TECTA: variants seen among roughly 807,000 people sequenced by gnomAD.
TECTA encodes the protein tectorin alpha.
Under a neutral mutation model 216.8 loss-of-function variants are expected in TECTA, and 128 were observed. The ratio of observed to expected loss-of-function variants is 0.59; its 90% confidence interval spans 0.51 to 0.68. The LOEUF (loss-of-function observed/expected upper bound fraction) is 0.68. TECTA is among the 30% of genes least tolerant of loss of function. TECTA has a pLI of 0.00. For missense variants in TECTA, 2,551 were observed against 2,786.2 expected (o/e 0.92, Z 1.90); for synonymous variants, 1,089 against 1,117.1 (o/e 0.97, Z 0.50).
intron 10 of TECTA, among the ~76,000 whole-genome samples, chr11:121,132,507 G>C (rs1255686364): frequency 6.6e-6 from 1 of 152,152 alleles, no homozygotes; most frequent in Non-Finnish European, 1.5e-5. Context: ...TGGGTGTCAG[G>C]TGTGCCCGTT....
Position 121,190,867 on chromosome 11 carries a change from A to G in TECTA, c.*61A>G. 7.8e-7 allele frequency: 1 copy of G among 1,288,554 alleles called. No homozygotes were observed. The highest frequency in any genetic ancestry group is 1.5e-5 in the African/African-American group (1 of 68,732). The allele number at this position is 1,288,554 out of a possible 1,614,324, so 79.8% of individuals were successfully genotyped here. A position where few individuals can be genotyped will look rare whatever the true frequency, so the allele number is the denominator to read the frequency against. ...ACTTACTTCAACACCCTGTAGGATA[A>G]AAAGTGTGTGCCCTTAAGTCAAAAC... On this transcript the variant is annotated 3_prime_UTR_variant, in exon 24 of 24. Transcript: ENST00000392793.
In TECTA at chr11:121,185,379, T is replaced by C. The variant is rs2134213055; in HGVS notation, c.6000-2453T>C. On this transcript the variant is annotated intron_variant, in intron 20 of 23. Coordinates refer to ENST00000392793, the MANE Select transcript of TECTA (RefSeq NM_005422.4). ...TTAATGAATGAGTAGGGAAAGCAGA[T>C]GTTCAATGCTTAATGAATGAGTAGG... is the stretch of plus-strand genomic sequence containing the variant. 2.9e-5 allele frequency among the ~76,000 whole-genome samples: 4 copies of C among 138,860 alleles called. No homozygotes were observed. In the South Asian group the frequency reaches 7.0e-4, roughly 24 times the overall value. The allele number at this position is 138,860 out of a possible 152,430, so 91.1% of individuals were successfully genotyped here.
At chr11:121,136,444 A>G (rs2135094153) in intron 10 of TECTA, among the ~76,000 whole-genome samples, 1 of 152,276 alleles carries the variant, frequency 6.6e-6, no homozygotes, top group Non-Finnish European at 1.5e-5. Flanking sequence ...GGACGAGGCC[A>G]GAGGGCACCA....
At chr11:121,112,520 A>G (rs1420415325) in intron 4 of TECTA, among the ~76,000 whole-genome samples, 1 of 152,250 alleles carries the variant, frequency 6.6e-6, no homozygotes, top group Non-Finnish European at 1.5e-5. Flanking sequence ...ACTTCTCCCC[A>G]GAAAGTGCTT....
At chr11:121,150,276 A>G (rs1946877010) in intron 12 of TECTA, among the ~76,000 whole-genome samples, 1 of 152,264 alleles carries the variant, frequency 6.6e-6, no homozygotes, top group Non-Finnish European at 1.5e-5. Context: ...GTTATTCAGT[A>G]AGTAGTAAAA....
chr11:121,137,307 C>A, intron 10 of TECTA, 114 bp from the exon 11 acceptor site: 2 of 1,337,214 alleles, frequency 1.5e-6, no homozygotes, highest in South Asian at 1.2e-5. Flanking sequence ...TGCATGCACA[C>A]ACGCACATGC....
chr11:121,188,660 T>C (rs1947311788), intron 21 of TECTA, among the ~76,000 whole-genome samples: 1 of 152,234 alleles, frequency 6.6e-6, no homozygotes, highest in Admixed American at 6.5e-5. Context: ...ACCTGGCCCC[T>C]AGCCTTTAAC....
At position 121,165,259 on chromosome 11, in the gene TECTA, G is replaced by T; in HGVS notation, c.5273-14G>T. 1.3e-6 allele frequency: 2 copies of T among 1,586,658 alleles called. No homozygotes were observed. Among genetic ancestry groups the T allele is most frequent in the Non-Finnish European group, 1.7e-6 (2 of 1,165,396 alleles). On this transcript the variant is annotated splice_polypyrimidine_tract_variant and intron_variant, in intron 16 of 23. Coordinates refer to ENST00000392793, the MANE Select transcript of TECTA (RefSeq NM_005422.4). Reference sequence around the variant, plus strand: ...AATGAAGTTGTGCATGTTTCTGTGTGTTTTTCTTTTTAGCAGGAGTGGTTG... The same window carrying T: ...AATGAAGTTGTGCATGTTTCTGTGTTTTTTTCTTTTTAGCAGGAGTGGTTG...
intron 20 of TECTA, among the ~76,000 whole-genome samples, chr11:121,171,478 G>A (rs1241624527): frequency 2.6e-5 from 4 of 151,994 alleles, no homozygotes; most frequent in African/African-American, 9.7e-5. Context: ...TTGGTGTATT[G>A]ATAGGGATTG....
intron 1 of TECTA, 87 bp from the exon 2 acceptor site, chr11:121,102,578 C>T: frequency 3.1e-6 from 3 of 983,568 alleles, no homozygotes; most frequent in Non-Finnish European, 4.9e-6. Flanking sequence ...TTTTGATGGT[C>T]TTGGGATTAG....
intron 20 of TECTA, 135 bp downstream of exon 20, chr11:121,169,060 T>C (rs932526252): frequency 7.3e-7 from 1 of 1,372,056 alleles, no homozygotes; most frequent in Non-Finnish European, 1.0e-6. Context: ...TATTAATTCA[T>C]CTAATTCTCA....
chr11:121,109,050 CCT>C (rs1373247745), intron 3 of TECTA, among the ~76,000 whole-genome samples, 159 bp from the exon 4 acceptor site: 1 of 152,168 alleles, frequency 6.6e-6, no homozygotes, highest in Non-Finnish European at 1.5e-5. Context: ...AGTAAACGAA[CCT>C]CTTAGTCTGA....
chr11:121,114,475 AT>A (rs1946476981), intron 6 of TECTA, among the ~76,000 whole-genome samples: 1 of 152,200 alleles, frequency 6.6e-6, no homozygotes, highest in African/African-American at 2.4e-5. Context: ...AGAAAACAGA[AT>A]TTCTGATAAT....
At chr11:121,158,281 G>T (rs1946965024) in intron 14 of TECTA, 57 bp downstream of exon 14, 8 of 1,601,188 alleles carry the variant, frequency 5.0e-6, no homozygotes, top group Non-Finnish European at 4.2e-6. Context: ...GGTTGGCTAG[G>T]GGACTGTGTA....
intron 11 of TECTA, among the ~76,000 whole-genome samples, chr11:121,140,121 T>A (rs1157615004): frequency 6.6e-6 from 1 of 152,230 alleles, no homozygotes; most frequent in Non-Finnish European, 1.5e-5. Context: ...ATGGGTCCTG[T>A]CTCATCTAGT....
chr11:121,142,682 C>G (rs896144734), intron 11 of TECTA, among the ~76,000 whole-genome samples: 4 of 152,150 alleles, frequency 2.6e-5, no homozygotes, highest in African/African-American at 9.7e-5. Flanking sequence ...GCTTTCAGGA[C>G]AGATCAGAGT....
At chr11:121,130,636 T>C (rs583842) in intron 10 of TECTA, among the ~76,000 whole-genome samples, 33,375 of 152,106 alleles carry the variant, frequency 0.22, 3,704 homozygotes, top group East Asian at 0.23. Flanking sequence ...AGGGCAAACC[T>C]GACAATGGGT....
At chr11:121,167,320 T>A (rs1009973240) in intron 18 of TECTA, among the ~76,000 whole-genome samples, 4 of 152,174 alleles carry the variant, frequency 2.6e-5, no homozygotes, top group African/African-American at 7.2e-5. Context: ...TGTAGTTGTG[T>A]CTACTTGGAA....
At chr11:121,167,951 A>G (rs987341197) in intron 18 of TECTA, 103 bp from the exon 19 acceptor site, 2 of 1,364,628 alleles carry the variant, frequency 1.5e-6, no homozygotes, top group Admixed American at 3.4e-5. Context: ...TAAATTATGT[A>G]TGGAAGGAAG....
Sources: gnomAD v4.1 joint callset for allele counts (sites outside exome capture counted in the v4.1 genomes callset) on GRCh38, gnomAD v4.1.1 for gene constraint, MANE v1.5 for transcripts, NCBI Gene and HGNC (gene_info 2026-07-23, HGNC 2026-07-21) for gene names.